Variants in SH2D4A observed in about 807,000 individuals in gnomAD.
SH2D4A encodes SH2 domain containing 4A, also known as SH2 domain-containing protein 4A.
In SH2D4A, 70 loss-of-function variants were observed where a neutral mutation model predicts 64.7. The ratio of observed to expected loss-of-function variants is 1.08; its 90% confidence interval spans 0.89 to 1.32. SH2D4A has a LOEUF of 1.32. Among genes scored for constraint, SH2D4A ranks in the 40% most tolerant of loss-of-function variants. SH2D4A has a pLI of 0.00. For missense variants in SH2D4A, 706 were observed against 540.1 expected (o/e 1.31, Z -3.04); for synonymous variants, 268 against 200.7 (o/e 1.34, Z -2.83).
At chr8:19,366,014 A>G (rs1479893761) in intron 7 of SH2D4A, among the ~76,000 whole-genome samples, 1 of 151,546 alleles carries the variant, frequency 6.6e-6, no homozygotes, top group Admixed American at 6.6e-5. Context: ...ATGCATATGT[A>G]CAACTATATA....
intron 4 of SH2D4A, among the ~76,000 whole-genome samples, 179 bp downstream of exon 4, chr8:19,335,036 C>T (rs1297494967): frequency 2.0e-5 from 3 of 152,038 alleles, no homozygotes; most frequent in Admixed American, 6.6e-5. Context: ...GTAATCCCAG[C>T]ACTTTGGGAG....
chr8:19,352,005 ACTC>A (rs2052713253), intron 4 of SH2D4A, among the ~76,000 whole-genome samples: 2 of 151,550 alleles, frequency 1.3e-5, no homozygotes, highest in African/African-American at 4.9e-5. Flanking sequence ...CTGGTCTTGA[ACTC>A]CTGATCTCAG....
chr8:19,343,079 A>G (rs2052554108), intron 4 of SH2D4A, among the ~76,000 whole-genome samples: 2 of 152,156 alleles, frequency 1.3e-5, no homozygotes, highest in South Asian at 2.1e-4. Flanking sequence ...TACCTATGCT[A>G]GCTGTGCAAA....
intron 7 of SH2D4A, among the ~76,000 whole-genome samples, chr8:19,369,135 T>C (rs1393052266): frequency 6.6e-6 from 1 of 152,186 alleles, no homozygotes; most frequent in African/African-American, 2.4e-5. Context: ...GTCATGTTCA[T>C]TGATTCGTTT....
chr8:19,368,620 C>CCT (rs1554484327), intron 7 of SH2D4A, among the ~76,000 whole-genome samples: 9 of 136,336 alleles, frequency 6.6e-5, no homozygotes, highest in Admixed American at 3.7e-4. Flanking sequence ...AATAAAATTG[C>CCT]TTTTTTTTTT....
chr8:19,364,382 G>A, intron 7 of SH2D4A, 100 bp downstream of exon 7: 2 of 1,336,354 alleles, frequency 1.5e-6, no homozygotes, highest in Non-Finnish European at 2.1e-6. Flanking sequence ...ATGGGGTGTG[G>A]AGGGCCAACT....
chr8:19,333,313 T>G (rs182415975), intron 3 of SH2D4A, among the ~76,000 whole-genome samples, 199 bp downstream of exon 3: 1 of 152,174 alleles, frequency 6.6e-6, no homozygotes, highest in Non-Finnish European at 1.5e-5. Context: ...GAAGGTTGAT[T>G]TAGACTTTTG....
chr8:19,337,468 T>A (rs1311891459), intron 4 of SH2D4A, among the ~76,000 whole-genome samples: 1 of 152,056 alleles, frequency 6.6e-6, no homozygotes, highest in African/African-American at 2.4e-5. Context: ...GATCTCAAGA[T>A]GAGATCACCC....
intron 7 of SH2D4A, among the ~76,000 whole-genome samples, chr8:19,366,039 A>G (rs1321631052): frequency 1.3e-5 from 2 of 152,224 alleles, no homozygotes; most frequent in African/African-American, 4.8e-5. Flanking sequence ...TATATCTGAC[A>G]GTATGTCACA....
chr8:19,328,237 C>G (rs1314594510), intron 2 of SH2D4A, among the ~76,000 whole-genome samples: 1 of 152,172 alleles, frequency 6.6e-6, no homozygotes, highest in Middle Eastern at 3.2e-3. Flanking sequence ...ATTCCCAAGT[C>G]TACATGGCTA....
intron 4 of SH2D4A, among the ~76,000 whole-genome samples, chr8:19,351,472 A>G (rs2052703609): frequency 6.6e-6 from 1 of 152,102 alleles, no homozygotes; most frequent in East Asian, 1.9e-4. Context: ...GCGTGCTGGC[A>G]GGCGCCTGTA....
At chr8:19,375,889 A>G (rs2053187399) in intron 8 of SH2D4A, among the ~76,000 whole-genome samples, 1 of 152,156 alleles carries the variant, frequency 6.6e-6, no homozygotes, top group Non-Finnish European at 1.5e-5. Flanking sequence ...ATTTACAATG[A>G]AAAAGTTCCA....
intron 8 of SH2D4A, among the ~76,000 whole-genome samples, chr8:19,392,845 C>T (rs2053515606): frequency 6.6e-6 from 1 of 151,950 alleles, no homozygotes; most frequent in African/African-American, 2.4e-5. Context: ...GGGTTCACAC[C>T]ATTCTCCTGC....
rs1340135579 is a variant in SH2D4A, at chr8:19,395,468, C to G, written c.*826C>G. ...ATATGGTGAAGTCTTAACCCCCATCCCCGTGAATGGGACCTTGTTTGGAAA... is the reference window on the plus strand; with the variant it reads ...ATATGGTGAAGTCTTAACCCCCATCGCCGTGAATGGGACCTTGTTTGGAAA... On this transcript the variant is annotated 3_prime_UTR_variant, in exon 10 of 10. Transcript: ENST00000265807. 3 of 152,168 alleles carry G rather than the reference C, an allele frequency of 2.0e-5. No homozygotes were observed. Among genetic ancestry groups the G allele is most frequent in the Non-Finnish European group, 4.4e-5 (3 of 68,092 alleles). The allele number at this position is 152,168 out of a possible 1,614,324, so 9.4% of individuals were successfully genotyped here.
intron 1 of SH2D4A, 63 bp from the exon 2 acceptor site, chr8:19,319,281 C>T (rs964659601): frequency 2.7e-6 from 3 of 1,116,160 alleles, no homozygotes; most frequent in South Asian, 4.5e-5. Flanking sequence ...TTTTTAAACC[C>T]GTCCTAGCCA....
chr8:19,336,470 G>A (rs577487338), intron 4 of SH2D4A, among the ~76,000 whole-genome samples: 1 of 152,186 alleles, frequency 6.6e-6, no homozygotes, highest in Non-Finnish European at 1.5e-5. Context: ...CTCAGCATGT[G>A]TAACACTAAA....
At chr8:19,335,790 G>A (rs965305400) in intron 4 of SH2D4A, among the ~76,000 whole-genome samples, 35 of 152,202 alleles carry the variant, frequency 2.3e-4, no homozygotes, top group African/African-American at 7.0e-4. Flanking sequence ...GAATTGGTAT[G>A]AATTCTCTTA....
At chr8:19,335,824 C>G (rs568271190) in intron 4 of SH2D4A, among the ~76,000 whole-genome samples, 1 of 152,276 alleles carries the variant, frequency 6.6e-6, no homozygotes, top group East Asian at 1.9e-4. Flanking sequence ...TTAAAAAACT[C>G]AAACATAATT....
rs374459823 is a variant in SH2D4A at position 19,327,263 on chromosome 8, A to G, written c.182-5692A>G. Among the ~76,000 whole-genome samples, 20 of 152,300 alleles carry G rather than the reference A, an allele frequency of 1.3e-4. No individual in the cohort carries two copies. In the South Asian group the frequency reaches 1.9e-3, roughly 14 times the overall value. On this transcript the variant is annotated intron_variant, in intron 2 of 9. Coordinates refer to ENST00000265807, the MANE Select transcript of SH2D4A (RefSeq NM_022071.4). ...TATAAACATGATTCAAGGACTGGAA[A>G]GAGAAACCCTGTAATTAAACGAAGT...
Sources: allele counts gnomAD v4.1 joint callset (sites outside exome capture counted in the v4.1 genomes callset), GRCh38; gene constraint gnomAD v4.1.1; transcripts MANE v1.5; gene names NCBI Gene and HGNC (gene_info 2026-07-23, HGNC 2026-07-21).